The following SMYD3 variants were observed in gnomAD, a reference collection of about 807,000 sequenced individuals.
The protein encoded by SMYD3 is histone-lysine N-methyltransferase SMYD3.
In SMYD3, 36 loss-of-function variants were observed where a neutral mutation model predicts 57.7. That is an observed-to-expected ratio of 0.62 (90% CI 0.48 to 0.82). The LOEUF is 0.82. Ranked by LOEUF, SMYD3 falls within the 40% of genes least tolerant of loss-of-function variation. The probability of loss-of-function intolerance (pLI) is 0.00; values close to 1 mark genes in which losing one functional copy is unlikely to be tolerated. For synonymous variants in SMYD3, 211 were observed against 195.0 expected (o/e 1.08, Z -0.68); for missense variants, 515 against 538.8 (o/e 0.96, Z 0.44).
intron 1 of SMYD3, among the ~76,000 whole-genome samples, chr1:246,428,132 G>A (rs2067247645): frequency 6.6e-6 from 1 of 152,162 alleles, no homozygotes; most frequent in Non-Finnish European, 1.5e-5. Context: ...AAGGAAGGTA[G>A]TTCAGTTAGC....
chr1:246,110,444 T>G (rs940596671), intron 5 of SMYD3, among the ~76,000 whole-genome samples: 1 of 152,108 alleles, frequency 6.6e-6, no homozygotes, highest in Non-Finnish European at 1.5e-5. Context: ...GAAATACAAT[T>G]TTATTCAGCA....
intron 5 of SMYD3, among the ~76,000 whole-genome samples, chr1:246,248,805 CTAA>C (rs1411856599): frequency 9.0e-6 from 1 of 111,072 alleles, no homozygotes; most frequent in Admixed American, 9.5e-5. Context: ...CCATGCCCGG[CTAA>C]TTTTTTTTTT....
chr1:246,117,738 C>T (rs1360610479), intron 5 of SMYD3, among the ~76,000 whole-genome samples: 2 of 152,132 alleles, frequency 1.3e-5, no homozygotes, highest in African/African-American at 4.8e-5. Context: ...AGGTTTGTTA[C>T]GTAGGTAAAC....
intron 10 of SMYD3, among the ~76,000 whole-genome samples, chr1:245,842,997 C>T (rs1396190592): frequency 1.3e-5 from 2 of 152,170 alleles, no homozygotes; most frequent in African/African-American, 4.8e-5. Context: ...AGGTGTGAGC[C>T]ACCACACCCA....
chr1:245,832,994 T>C (rs1316988409), intron 10 of SMYD3, among the ~76,000 whole-genome samples: 1 of 148,184 alleles, frequency 6.7e-6, no homozygotes, highest in Non-Finnish European at 1.5e-5. Context: ...CAGTGAAGCT[T>C]CCACGATCCA....
intron 10 of SMYD3, among the ~76,000 whole-genome samples, chr1:245,800,886 G>C (rs1187144657): frequency 6.6e-6 from 1 of 152,194 alleles, no homozygotes; most frequent in Non-Finnish European, 1.5e-5. Context: ...CAAAGAAACA[G>C]AAACTAATAG....
intron 5 of SMYD3, among the ~76,000 whole-genome samples, chr1:246,244,003 G>T (rs138948900): frequency 3.8e-5 from 4 of 105,208 alleles, no homozygotes; most frequent in Non-Finnish European, 7.8e-5. Context: ...ATATATACAC[G>T]TATATATGTA....
chr1:246,363,799 T>A (rs34335414), intron 1 of SMYD3, among the ~76,000 whole-genome samples: 3 of 151,838 alleles, frequency 2.0e-5, no homozygotes, highest in Admixed American at 6.6e-5. Context: ...GGCCGCAGGG[T>A]CCTCTGCCTA....
At chr1:245,902,682 G>A (rs1457560250) in intron 8 of SMYD3, among the ~76,000 whole-genome samples, 1 of 152,214 alleles carries the variant, frequency 6.6e-6, no homozygotes, top group Non-Finnish European at 1.5e-5. Flanking sequence ...AGCAAAGGTT[G>A]CCCAAGCCTC....
chr1:246,279,446 G>A (rs921190214), intron 5 of SMYD3, among the ~76,000 whole-genome samples: 1 of 152,088 alleles, frequency 6.6e-6, no homozygotes, highest in Middle Eastern at 3.2e-3. Flanking sequence ...ACTTGAACCC[G>A]GGAGGCGGAG....
intron 1 of SMYD3, among the ~76,000 whole-genome samples, chr1:246,375,494 T>C (rs2066261072): frequency 6.6e-6 from 1 of 152,272 alleles, no homozygotes; most frequent in Admixed American, 6.5e-5. Flanking sequence ...AGTGGAAGTG[T>C]ATTCACAAAG....
At position 245,749,580 on chromosome 1, in the gene SMYD3, T is replaced by A. The variant is rs558276345; in HGVS notation, c.1270A>T (p.Asn424Tyr). The change falls in exon 12 of 12, where the codon AAC becomes TAC. Residue 424 changes from asparagine to tyrosine, a missense_variant. Coordinates refer to ENST00000490107, the MANE Select transcript of SMYD3 (RefSeq NM_001167740.2). ...LILLLEECDA[N>Y]IRAS ...GCGTTCCCTTAGGATGCTCTGATGT[T>A]GGCGTCGCATTCTTCTAAAAGTAGA... 1.9e-6 allele frequency: 3 copies of A among 1,614,100 alleles called. No individual in the cohort carries two copies. Among genetic ancestry groups the A allele is most frequent in the East Asian group, 4.5e-5 (2 of 44,882 alleles).
At chr1:246,326,918 T>A (rs554408506) in intron 5 of SMYD3, 4 of 436,648 alleles carry the variant, frequency 9.2e-6, no homozygotes, top group Non-Finnish European at 1.6e-5. Context: ...TATTTTCTTC[T>A]GAGAAAAGAA....
intron 5 of SMYD3, among the ~76,000 whole-genome samples, chr1:246,210,192 C>A (rs2148390928): frequency 6.6e-6 from 1 of 152,256 alleles, no homozygotes; most frequent in Non-Finnish European, 1.5e-5. Flanking sequence ...CCAGGATATT[C>A]CAATGTGCCC....
At chr1:245,876,555 A>G (rs2052498294) in intron 8 of SMYD3, among the ~76,000 whole-genome samples, 1 of 152,200 alleles carries the variant, frequency 6.6e-6, no homozygotes, top group African/African-American at 2.4e-5. Flanking sequence ...TGCTCAATCT[A>G]CAGTTCTGTC....
chr1:245,885,342 A>G (rs1045910346), intron 8 of SMYD3, among the ~76,000 whole-genome samples: 4 of 152,138 alleles, frequency 2.6e-5, no homozygotes, highest in Non-Finnish European at 4.4e-5. Flanking sequence ...ACACACCACC[A>G]TGTTGAACAT....
chr1:246,230,475 G>T (rs10924575), intron 5 of SMYD3, among the ~76,000 whole-genome samples: 31,564 of 152,072 alleles, frequency 0.21, 3,999 homozygotes, highest in East Asian at 0.58. Flanking sequence ...CTAGAATGCT[G>T]TCCTATCTTG....
chr1:245,806,277 T>C (rs2048139455), intron 10 of SMYD3, among the ~76,000 whole-genome samples: 1 of 152,250 alleles, frequency 6.6e-6, no homozygotes, highest in Admixed American at 6.5e-5. Flanking sequence ...TTCTATTTCA[T>C]GATCAATAAT....
intron 4 of SMYD3, among the ~76,000 whole-genome samples, chr1:246,330,267 A>G (rs1361810996): frequency 1.3e-5 from 2 of 152,242 alleles, no homozygotes; most frequent in African/African-American, 4.8e-5. Context: ...TAACCTGAAC[A>G]TCTTCATGGC....
Sources: gnomAD v4.1 joint callset for allele counts (sites outside exome capture counted in the v4.1 genomes callset) on GRCh38, gnomAD v4.1.1 for gene constraint, MANE v1.5 for transcripts, NCBI Gene and HGNC (gene_info 2026-07-23, HGNC 2026-07-21) for gene names.